Variants in WDR70 observed in about 807,000 individuals in gnomAD.
The protein encoded by WDR70 is WD repeat domain 70.
WDR70 carries 53 observed loss-of-function variants against 88.6 expected under a neutral mutation model. The ratio of observed to expected loss-of-function variants is 0.60; its 90% CI spans 0.48 to 0.75. WDR70 has a LOEUF of 0.75. Among genes scored for constraint, WDR70 ranks in the 30% least tolerant of loss-of-function variants. WDR70 has a pLI of 0.00. For synonymous variants in WDR70, 280 were observed against 270.0 expected (o/e 1.04, Z -0.36); for missense variants, 610 against 823.2 (o/e 0.74, Z 3.17).
intron 5 of WDR70, among the ~76,000 whole-genome samples, chr5:37,406,074 G>A (rs1252541111): frequency 6.6e-6 from 1 of 152,116 alleles, no homozygotes; most frequent in African/African-American, 2.4e-5. Flanking sequence ...GAAGTGAAAT[G>A]CATAGATTAG....
At chr5:37,650,152 C>T (rs1480698846) in intron 10 of WDR70, among the ~76,000 whole-genome samples, 2 of 151,094 alleles carry the variant, frequency 1.3e-5, no homozygotes, top group African/African-American at 4.9e-5. Context: ...AATCCCAGCA[C>T]TTTGGGAGGC....
intron 8 of WDR70, among the ~76,000 whole-genome samples, chr5:37,503,316 T>C (rs1257081952): frequency 6.6e-6 from 1 of 152,120 alleles, no homozygotes; most frequent in Non-Finnish European, 1.5e-5. Context: ...GTTTGTTACA[T>C]AGGTAAACGT....
At chr5:37,621,518 A>G (rs868464340) in intron 10 of WDR70, among the ~76,000 whole-genome samples, 14 of 152,240 alleles carry the variant, frequency 9.2e-5, no homozygotes, top group African/African-American at 2.6e-4. Context: ...TGGCTGCATA[A>G]ATGTCATCTT....
chr5:37,559,233 A>G (rs1162432625), intron 9 of WDR70, among the ~76,000 whole-genome samples: 3 of 152,064 alleles, frequency 2.0e-5, no homozygotes, highest in African/African-American at 4.8e-5. Context: ...TGCCAGGCCA[A>G]TTCTGTGTAT....
intron 13 of WDR70, among the ~76,000 whole-genome samples, chr5:37,709,886 A>C (rs1039014528): frequency 6.6e-6 from 1 of 152,194 alleles, no homozygotes; most frequent in African/African-American, 2.4e-5. Flanking sequence ...AGCAGCATAC[A>C]CATATAATTT....
At chr5:37,416,546 G>GGGGAGA (rs796254163) in intron 5 of WDR70, among the ~76,000 whole-genome samples, 2 of 149,908 alleles carry the variant, frequency 1.3e-5, no homozygotes, top group Non-Finnish European at 3.0e-5. Flanking sequence ...GGGAGATCGT[G>GGGGAGA]GGGAGAGGGA....
chr5:37,616,317 A>G lies in WDR70; in HGVS notation c.1092+11079A>G, dbSNP rs537198878. On this transcript the variant is annotated intron_variant, in intron 10 of 17. Transcript: ENST00000265107. ...GAGATGGGTTTTTGCCATGTTGGCC[A>G]GGCTGGTCTCGAACTCCTGACCTCA... Among the ~76,000 whole-genome samples the G allele has an allele frequency of 2.2e-4, 33 of 152,260 alleles. No individual in the cohort carries two copies. The East Asian group carries it at 6.4e-3, about 29-fold the overall frequency.
rs60971228 is a variant in WDR70, at chr5:37,532,727, G to A, written c.917+16137G>A. ...CCTTTCTCTGTTGACTCCGTGATTC[G>A]CTTAATAATCGACCTTCTAAATTCT... On this transcript the variant is annotated intron_variant, in intron 9 of 17. Coordinates refer to ENST00000265107, the MANE Select transcript of WDR70 (RefSeq NM_018034.4). Among the ~76,000 whole-genome samples the A allele has an allele frequency of 7.5e-3, 1,133 of 151,992 alleles. 17 individuals are homozygous for A. The highest frequency in any genetic ancestry group is 0.026 in the African/African-American group (1,057 of 41,442).
intron 9 of WDR70, among the ~76,000 whole-genome samples, chr5:37,559,937 T>G (rs1433315719): frequency 6.6e-6 from 1 of 152,172 alleles, no homozygotes; most frequent in Non-Finnish European, 1.5e-5. Context: ...TTTTCTTATA[T>G]TTAAAAATGT....
intron 9 of WDR70, among the ~76,000 whole-genome samples, chr5:37,544,094 A>G (rs1741914273): frequency 1.3e-5 from 2 of 152,156 alleles, no homozygotes; most frequent in South Asian, 4.1e-4. Flanking sequence ...TTTGGAGGAT[A>G]TCTTTTCAGT....
At chr5:37,460,503 A>T (rs1282554024) in intron 7 of WDR70, among the ~76,000 whole-genome samples, 2 of 66,884 alleles carry the variant, frequency 3.0e-5, no homozygotes, top group Admixed American at 3.9e-4. Flanking sequence ...GATCACATGG[A>T]CACAGGAAGG....
intron 10 of WDR70, among the ~76,000 whole-genome samples, chr5:37,636,627 A>G (rs1744974180): frequency 6.6e-6 from 1 of 152,234 alleles, no homozygotes; most frequent in Admixed American, 6.5e-5. Context: ...GATATGATGC[A>G]TATGAAGGCA....
intron 7 of WDR70, among the ~76,000 whole-genome samples, chr5:37,450,307 A>G (rs573461213): frequency 6.6e-6 from 1 of 152,084 alleles, no homozygotes; most frequent in Non-Finnish European, 1.5e-5. Context: ...CCTCTAGAAG[A>G]TCTAGGTTCT....
intron 17 of WDR70, among the ~76,000 whole-genome samples, chr5:37,738,957 G>A (rs147080432): frequency 2.2e-4 from 34 of 152,308 alleles, no homozygotes; most frequent in Middle Eastern, 6.8e-3. Flanking sequence ...AAACCTTTTA[G>A]CCTTCCCTTG....
chr5:37,651,814 T>C (rs1379078949), intron 10 of WDR70, among the ~76,000 whole-genome samples: 1 of 152,238 alleles, frequency 6.6e-6, no homozygotes, highest in Non-Finnish European at 1.5e-5. Context: ...TGTTTGTTTT[T>C]TTCTTGTAAA....
intron 9 of WDR70, among the ~76,000 whole-genome samples, chr5:37,567,745 CTT>C (rs1448784684): frequency 6.6e-6 from 1 of 151,972 alleles, no homozygotes; most frequent in Non-Finnish European, 1.5e-5. Context: ...AAGTGATACC[CTT>C]TTCAGCCTTG....
chr5:37,501,766 A>G (rs149731063), intron 8 of WDR70, among the ~76,000 whole-genome samples: 36 of 152,170 alleles, frequency 2.4e-4, no homozygotes, highest in African/African-American at 8.4e-4. Flanking sequence ...ATTTGGCTTT[A>G]TTCCTGGGTT....
intron 7 of WDR70, among the ~76,000 whole-genome samples, chr5:37,476,459 T>C (rs1739488136): frequency 6.6e-6 from 1 of 152,194 alleles, no homozygotes. Flanking sequence ...AATCCACCTA[T>C]GGGAAAAGCC....
chr5:37,669,411 A>C (rs1207790820), intron 10 of WDR70, among the ~76,000 whole-genome samples: 2 of 151,838 alleles, frequency 1.3e-5, no homozygotes, highest in African/African-American at 4.8e-5. Flanking sequence ...AAAAAAAAAA[A>C]AACATTTTGT....
Sources: gnomAD v4.1 joint callset for allele counts (sites outside exome capture counted in the v4.1 genomes callset) on GRCh38, gnomAD v4.1.1 for gene constraint, MANE v1.5 for transcripts, NCBI Gene and HGNC (gene_info 2026-07-23, HGNC 2026-07-21) for gene names.